The following EXOC6 variants were observed in gnomAD, a reference collection of about 807,000 sequenced individuals.
The protein encoded by EXOC6 is SEC15-like 1.
EXOC6 carries 60 observed loss-of-function variants against 112.5 expected under a neutral mutation model. That is an observed-to-expected ratio of 0.53 (90% CI 0.43 to 0.66). EXOC6 has a LOEUF of 0.66. EXOC6 is among the 30% of genes least tolerant of loss of function. The probability of loss-of-function intolerance (pLI) is 0.00; values close to 1 mark genes in which losing one functional copy is unlikely to be tolerated. For missense variants in EXOC6, 855 were observed against 957.1 expected, an observed-to-expected ratio of 0.89 and a Z score of 1.41; for synonymous variants, 295 against 308.0, an observed-to-expected ratio of 0.96 and a Z score of 0.44.
At chr10:92,954,326 A>G (rs771538520) in intron 15 of EXOC6, among the ~76,000 whole-genome samples, 4 of 152,174 alleles carry the variant, frequency 2.6e-5, no homozygotes, top group Admixed American at 6.5e-5. Context: ...CTATCCCATG[A>G]TGGAGTCGGA....
chr10:92,915,825 T>C lies in EXOC6; in HGVS notation c.731T>C (p.Met244Thr). The C allele has an allele frequency of 6.5e-7, 1 of 1,534,718 alleles. No individual in the cohort carries two copies. The highest frequency in any genetic ancestry group is 8.7e-7 in the Non-Finnish European group (1 of 1,149,882). The change falls in exon 7 of 22, where the codon ATG (methionine) becomes ACG (threonine). Residue 244 changes from methionine (M) to threonine (T), a missense_variant. Coordinates refer to ENST00000260762, the MANE Select transcript of EXOC6 (RefSeq NM_019053.6). The part of the protein sequence containing the change: ...KQNKMKFGKN[M>T]YINRDRIPEE... ...AATAAAATGAAATTTGGGAAAAATA[T>C]GTATATAAATCGTGATAGAATTCCA...
intron 12 of EXOC6, among the ~76,000 whole-genome samples, chr10:92,936,769 G>C (rs1346678026): frequency 6.6e-6 from 1 of 152,128 alleles, no homozygotes; most frequent in Non-Finnish European, 1.5e-5. Flanking sequence ...CAATATTACG[G>C]GGTGGGGTGT....
chr10:92,984,583 C>T (rs1026048166), intron 18 of EXOC6, among the ~76,000 whole-genome samples: 5 of 151,914 alleles, frequency 3.3e-5, no homozygotes, highest in East Asian at 3.9e-4. Flanking sequence ...GCTGAATTCC[C>T]GTAAAACTTC....
In EXOC6 at chr10:93,057,007, T is replaced by A. The variant is rs1846573396; in HGVS notation, c.2253T>A (p.Asn751Lys). ...GQPASKYLRV[N>K]PNTALTLLEK... ...CAGCTTCTAAGTACCTTCGGGTGAA[T>A]CCAAACACAGCCCTTACTCTTTTGG... is the stretch of plus-strand genomic sequence containing the variant. Residue 751 changes from asparagine (N) to lysine (K), a missense_variant, in exon 21 of 22, where the codon AAT (asparagine) becomes AAA (lysine). Transcript: ENST00000260762. 1 of 1,590,808 alleles carries A rather than the reference T, an allele frequency of 6.3e-7. No homozygotes were observed. The highest frequency in any genetic ancestry group is 8.5e-7 in the Non-Finnish European group (1 of 1,172,110).
At chr10:92,934,596 T>A (rs1852245644) in intron 11 of EXOC6, among the ~76,000 whole-genome samples, 166 bp downstream of exon 11, 2 of 152,176 alleles carry the variant, frequency 1.3e-5, no homozygotes, top group African/African-American at 4.8e-5. Flanking sequence ...AATATCAGAC[T>A]ATGATTTTGC....
At chr10:93,038,037 C>T (rs1241881434) in intron 20 of EXOC6, among the ~76,000 whole-genome samples, 1 of 102,598 alleles carries the variant, frequency 9.7e-6, no homozygotes, top group African/African-American at 3.8e-5. Context: ...GAGACTCCGT[C>T]TCCAAAAAAA....
chr10:92,863,694 C>T (rs1485853129), intron 1 of EXOC6, among the ~76,000 whole-genome samples: 2 of 151,966 alleles, frequency 1.3e-5, no homozygotes, highest in Non-Finnish European at 2.9e-5. Context: ...AGGCGGATCA[C>T]AAGGTCAGGA....
At chr10:93,033,293 C>T (rs1564926330) in intron 20 of EXOC6, among the ~76,000 whole-genome samples, 1 of 152,186 alleles carries the variant, frequency 6.6e-6, no homozygotes, top group Non-Finnish European at 1.5e-5. Flanking sequence ...GCTGTAGTAA[C>T]TACTGATGAT....
intron 20 of EXOC6, among the ~76,000 whole-genome samples, chr10:93,024,498 C>CTTGGCTCA (rs1173316705): frequency 2.6e-5 from 4 of 152,204 alleles, no homozygotes; most frequent in Admixed American, 2.6e-4. Context: ...GTGGCACAGT[C>CTTGGCTCA]TTGGCTCACT....
exon 1 of EXOC6, among the ~76,000 whole-genome samples, chr10:92,826,919 T>C (rs1589658581): frequency 2.0e-5 from 3 of 152,118 alleles, no homozygotes; most frequent in South Asian, 2.1e-4. Context: ...CTGAGGTCAG[T>C]GCAACTGAAG....
At chr10:92,885,210 A>G (rs1849151989) in intron 1 of EXOC6, among the ~76,000 whole-genome samples, 1 of 152,218 alleles carries the variant, frequency 6.6e-6, no homozygotes, top group Non-Finnish European at 1.5e-5. Flanking sequence ...TCAAGGGTTG[A>G]TATAATGAAG....
intron 7 of EXOC6, among the ~76,000 whole-genome samples, chr10:92,917,738 A>T (rs1851185793): frequency 1.3e-5 from 2 of 152,072 alleles, no homozygotes; most frequent in African/African-American, 4.8e-5. Flanking sequence ...TCACTATGTT[A>T]CCAAGGCTGG....
chr10:92,899,452 T>A (rs1438533583), intron 4 of EXOC6, 147 bp from the exon 5 acceptor site: 1 of 574,136 alleles, frequency 1.7e-6, no homozygotes, highest in Non-Finnish European at 3.0e-6. Context: ...TTGAAGTATT[T>A]AACATTTTAT....
At chr10:92,934,118 A>C in intron 9 of EXOC6, 26 bp from the exon 10 acceptor site, 1 of 1,383,008 alleles carries the variant, frequency 7.2e-7, no homozygotes, top group South Asian at 1.3e-5. Context: ...TATTGGTTTA[A>C]ATTGATTTTT....
intron 12 of EXOC6, among the ~76,000 whole-genome samples, chr10:92,936,715 G>A (rs769973399): frequency 5.3e-5 from 8 of 152,172 alleles, no homozygotes; most frequent in African/African-American, 1.7e-4. Flanking sequence ...CACCTGCTGC[G>A]TTATTGGGAG....
intron 6 of EXOC6, among the ~76,000 whole-genome samples, chr10:92,915,329 C>T (rs1206387224): frequency 6.6e-6 from 1 of 151,902 alleles, no homozygotes; most frequent in Non-Finnish European, 1.5e-5. Context: ...ATTGCTTGAG[C>T]CAGGAGTTTG....
At chr10:92,914,209 C>T (rs1029194361) in intron 6 of EXOC6, among the ~76,000 whole-genome samples, 5 of 152,104 alleles carry the variant, frequency 3.3e-5, no homozygotes, top group Non-Finnish European at 5.9e-5. Context: ...ACTGTGCATG[C>T]GGGGCATCTA....
At chr10:92,873,779 G>C (rs572448873) in intron 1 of EXOC6, among the ~76,000 whole-genome samples, 5 of 152,072 alleles carry the variant, frequency 3.3e-5, no homozygotes, top group Admixed American at 2.0e-4. Context: ...GGCCAGGCAC[G>C]GTGGCTCATG....
intron 19 of EXOC6, among the ~76,000 whole-genome samples, chr10:93,001,428 C>G (rs1467301730): frequency 6.6e-6 from 1 of 152,186 alleles, no homozygotes; most frequent in East Asian, 1.9e-4. Context: ...ATCAATCTCT[C>G]ACACTGAACT....
Sources: gnomAD v4.1 joint callset for allele counts (sites outside exome capture counted in the v4.1 genomes callset) on GRCh38, gnomAD v4.1.1 for gene constraint, MANE v1.5 for transcripts, NCBI Gene and HGNC (gene_info 2026-07-23, HGNC 2026-07-21) for gene names.